DPP6: variants seen among roughly 807,000 people sequenced by gnomAD.
DPP6 encodes dipeptidyl peptidase like 6, also known as A-type potassium channel modulatory protein DPP6.
In DPP6, 69 loss-of-function variants were observed where a neutral mutation model predicts 122.6. The observed-to-expected ratio is 0.56, with a 90% confidence interval of 0.46 to 0.69. DPP6 has a LOEUF of 0.69. Ranked by LOEUF, DPP6 falls within the 30% of genes least tolerant of loss-of-function variation. The pLI is 0.00. For missense variants in DPP6, 928 were observed against 1,116.9 expected (o/e 0.83, Z 2.41); for synonymous variants, 418 against 433.1 (o/e 0.97, Z 0.43).
intron 1 of DPP6, among the ~76,000 whole-genome samples, chr7:154,438,679 T>C (rs1271675997): frequency 6.6e-6 from 1 of 152,114 alleles, no homozygotes; most frequent in Non-Finnish European, 1.5e-5. Context: ...TTCTCTTTGG[T>C]TCTGAACCTC....
intron 3 of DPP6, among the ~76,000 whole-genome samples, chr7:154,537,639 G>A (rs748300126): frequency 5.3e-5 from 8 of 151,696 alleles, no homozygotes; most frequent in Non-Finnish European, 8.8e-5. Context: ...GCAGTGAGCC[G>A]AGATCATGCC....
chr7:154,371,980 A>C (rs10250931), intron 1 of DPP6, among the ~76,000 whole-genome samples: 11,427 of 152,044 alleles, frequency 0.075, 1,015 homozygotes, highest in African/African-American at 0.22. Flanking sequence ...GCCGTCCCTG[A>C]AAACAGGCTT....
At chr7:154,779,108 C>T (rs200201952) in intron 10 of DPP6, among the ~76,000 whole-genome samples, 31 of 322 alleles carry the variant, frequency 0.096, no homozygotes, top group East Asian at 0.17. Flanking sequence ...CACCACCACC[C>T]CCACCATCAC....
At chr7:154,550,919 T>A (rs956601991) in intron 4 of DPP6, among the ~76,000 whole-genome samples, 7 of 151,944 alleles carry the variant, frequency 4.6e-5, no homozygotes, top group Non-Finnish European at 7.4e-5. Flanking sequence ...CCCGGCTAAT[T>A]TTTTGTATTT....
chr7:154,539,109 A>G (rs754297425), intron 3 of DPP6, among the ~76,000 whole-genome samples: 2 of 152,218 alleles, frequency 1.3e-5, no homozygotes, highest in Non-Finnish European at 2.9e-5. Context: ...TCAGTCATCA[A>G]CTATTATAGT....
In DPP6 at chr7:154,447,519, C is replaced by G. The variant is rs182313620; in HGVS notation, c.358+1191C>G. ...AATATAAAACCTTTTTCCACAGGTA[C>G]AACAAATGTGGGCAAATTATAATCC... is the stretch of plus-strand genomic sequence containing the variant. On this transcript the variant is annotated intron_variant, in intron 2 of 25. Coordinates refer to ENST00000377770, the MANE Select transcript of DPP6 (RefSeq NM_130797.4). 3.3e-5 allele frequency among the ~76,000 whole-genome samples: 5 copies of G among 152,098 alleles called. No individual in the cohort carries two copies. In the East Asian group the frequency reaches 9.7e-4, roughly 29 times the overall value.
upstream of DPP6, among the ~76,000 whole-genome samples, chr7:153,886,672 G>A (rs1178089327): frequency 2.6e-5 from 4 of 152,186 alleles, no homozygotes; most frequent in Admixed American, 1.3e-4. Context: ...TGGAATTGCC[G>A]CGGCGGCGGA....
intron 1 of DPP6, among the ~76,000 whole-genome samples, chr7:154,252,241 C>T (rs1468793807): frequency 7.2e-6 from 1 of 139,690 alleles, no homozygotes; most frequent in East Asian, 2.1e-4. Context: ...TGTGTGCGCG[C>T]ATGCGCACGG....
intron 3 of DPP6, among the ~76,000 whole-genome samples, chr7:154,506,008 T>C (rs369935558): frequency 6.6e-6 from 1 of 152,030 alleles, no homozygotes; most frequent in Non-Finnish European, 1.5e-5. Flanking sequence ...CTATAAATTA[T>C]GTATTTATTA....
intron 9 of DPP6, among the ~76,000 whole-genome samples, chr7:154,771,473 C>G (rs1271295266): frequency 6.6e-6 from 1 of 152,248 alleles, no homozygotes; most frequent in East Asian, 1.9e-4. Flanking sequence ...GATCTCATCA[C>G]AAGGGTGCCA....
At chr7:154,341,849 TA>T (rs1225085336) in intron 1 of DPP6, among the ~76,000 whole-genome samples, 1 of 152,080 alleles carries the variant, frequency 6.6e-6, no homozygotes, top group African/African-American at 2.4e-5. Flanking sequence ...TGGTTGAATT[TA>T]AAAGGCAATA....
rs1830310684 is a variant in DPP6 at position 154,559,947 on chromosome 7, G to GATATAGAT, written c.553-6890_553-6889insGATATATA. On this transcript the variant is annotated intron_variant, in intron 4 of 25. Transcript: ENST00000377770. ...ATATAGATATATATATAAAGATATA[G>GATATAGAT]ATATATATAAGATATATATAAAGAT... 8.8e-5 allele frequency among the ~76,000 whole-genome samples: 6 copies of GATATAGAT among 67,858 alleles called. No individual in the cohort carries two copies. The East Asian group carries it at 3.2e-3, about 37-fold the overall frequency. The allele number at this position is 67,858 out of a possible 152,430, so 44.5% of individuals were successfully genotyped here.
chr7:154,612,559 T>C (rs1586732170), intron 5 of DPP6, among the ~76,000 whole-genome samples: 1 of 152,238 alleles, frequency 6.6e-6, no homozygotes, highest in African/African-American at 2.4e-5. Flanking sequence ...CATTTATGGA[T>C]ATCTGGGTTT....
At chr7:154,339,025 A>G (rs1809681550) in intron 1 of DPP6, among the ~76,000 whole-genome samples, 1 of 152,164 alleles carries the variant, frequency 6.6e-6, no homozygotes, top group East Asian at 1.9e-4. Flanking sequence ...CAGATTTCTA[A>G]ACTTGCAGCA....
chr7:154,052,594 G>A lies in DPP6; in HGVS notation c.-227G>A. The A allele has an allele frequency of 8.3e-7, 1 of 1,211,136 alleles. No homozygotes were observed. The highest frequency in any genetic ancestry group is 2.1e-5 in the South Asian group (1 of 46,732). 75.0% of individuals were successfully genotyped at this position (1,211,136 alleles called of 1,614,324 possible). On this transcript the variant is annotated 5_prime_UTR_variant, in exon 1 of 26. Transcript: ENST00000377770. This position sits in a 1 kb window ranked among gnomAD's most constrained non-coding sequence, Gnocchi z 4.8. ...AGAGCCCCGGCTTCGCGAGCCGCCGGGGAGGGGGCGGAGGAGGCTGAGCCA... is the reference window on the plus strand; with the variant it reads ...AGAGCCCCGGCTTCGCGAGCCGCCGAGGAGGGGGCGGAGGAGGCTGAGCCA...
At chr7:154,658,077 A>G (rs1353593517) in intron 6 of DPP6, among the ~76,000 whole-genome samples, 2 of 152,220 alleles carry the variant, frequency 1.3e-5, no homozygotes, top group African/African-American at 4.8e-5. Context: ...TGGAGACCCA[A>G]AAGACGTCTG....
the DPP6 span, among the ~76,000 whole-genome samples, chr7:153,749,237 C>A: frequency 1.3e-5 from 2 of 152,158 alleles, no homozygotes; most frequent in South Asian, 2.1e-4. The surrounding 1 kb of genome is among the most constrained non-coding windows in gnomAD (Gnocchi z 4.1). Context: ...GGGCTCTGCC[C>A]GTGCATCCGC....
intron 1 of DPP6, among the ~76,000 whole-genome samples, chr7:154,258,284 T>C (rs545025998): frequency 1.6e-4 from 24 of 152,312 alleles, no homozygotes; most frequent in Non-Finnish European, 2.8e-4. Flanking sequence ...AACAAACAGA[T>C]GTTAAATTGC....
intron 1 of DPP6, among the ~76,000 whole-genome samples, chr7:154,390,433 A>G (rs1276754854): frequency 6.6e-6 from 1 of 151,886 alleles, no homozygotes; most frequent in African/African-American, 2.4e-5. Flanking sequence ...TTGAGATTGG[A>G]AGGTGCTGGG....
Sources: gnomAD v4.1 joint callset for allele counts (sites outside exome capture counted in the v4.1 genomes callset) on GRCh38, gnomAD v4.1.1 for gene constraint, Gnocchi (gnomAD v3.1) non-coding constraint, MANE v1.5 for transcripts, NCBI Gene and HGNC (gene_info 2026-07-23, HGNC 2026-07-21) for gene names.